Variants in TRPM8 observed in about 807,000 individuals in gnomAD.
The protein encoded by TRPM8 is transient receptor potential cation channel subfamily M member 8.
TRPM8 carries 110 observed loss-of-function variants against 133.7 expected under a neutral mutation model. The observed-to-expected ratio is 0.82, with a 90% CI of 0.70 to 0.96. TRPM8 has a LOEUF of 0.96. TRPM8 is among the 40% of genes least tolerant of loss of function. TRPM8 has a pLI of 0.00. For synonymous variants in TRPM8, 535 were observed against 532.3 expected (o/e 1.01, Z -0.07); for missense variants, 1,291 against 1,379.5 (o/e 0.94, Z 1.02).
At chr2:234,000,612 T>C (rs769969815) in intron 22 of TRPM8, among the ~76,000 whole-genome samples, 1 of 151,860 alleles carries the variant, frequency 6.6e-6, no homozygotes, top group Non-Finnish European at 1.5e-5. Context: ...GAGGAAAGCA[T>C]AGAAATTTAA....
chr2:233,983,069 T>C lies in TRPM8; in HGVS notation c.2606T>C (p.Phe869Ser). Reference protein sequence around the residue: ...MLQRMLIDVFFFLFLFAVWMV... With the variant: ...MLQRMLIDVFSFLFLFAVWMV... ...CCCTGACAGCTGATCGATGTGTTCT[T>C]CTTCCTGTTCCTCTTTGCGGTGTGG... Residue 869 changes from phenylalanine (F) to serine (S), a missense_variant, in exon 20 of 26, where the codon TTC becomes TCC. This residue lies in a region of TRPM8 where 328 missense variants were observed against 410.6 expected (regional missense o/e 0.80). Transcript: ENST00000324695. 1 of 1,613,672 alleles carries C rather than the reference T, an allele frequency of 6.2e-7. No individual in the cohort carries two copies. The highest frequency in any genetic ancestry group is 8.5e-7 in the Non-Finnish European group (1 of 1,179,562).
chr2:233,996,651 C>A, intron 22 of TRPM8, 135 bp downstream of exon 22: 1 of 800,182 alleles, frequency 1.2e-6, no homozygotes, highest in Non-Finnish European at 2.0e-6. Flanking sequence ...CTGTAAAGAT[C>A]AGGCCTCAGG....
intron 4 of TRPM8, among the ~76,000 whole-genome samples, chr2:233,937,906 C>G (rs968611015): frequency 6.6e-6 from 1 of 152,200 alleles, no homozygotes; most frequent in African/African-American, 2.4e-5. Context: ...AGCTCTCCAG[C>G]AAGGTTTCAC....
intron 2 of TRPM8, among the ~76,000 whole-genome samples, chr2:233,927,860 C>CCTT (rs1235892141): frequency 4.2e-5 from 1 of 24,092 alleles, no homozygotes; most frequent in Admixed American, 5.4e-4. Context: ...TCCTTTCTTT[C>CCTT]TCTTTCTTTC....
intron 5 of TRPM8, among the ~76,000 whole-genome samples, chr2:233,942,295 G>T (rs1690928517): frequency 6.6e-6 from 1 of 152,040 alleles, no homozygotes; most frequent in Non-Finnish European, 1.5e-5. Flanking sequence ...GGCCAGGCTG[G>T]TCATGAACTC....
chr2:233,970,119 G>A, intron 16 of TRPM8, 91 bp from the exon 17 acceptor site: 3 of 1,175,276 alleles, frequency 2.6e-6, no homozygotes, highest in Non-Finnish European at 3.8e-6. Flanking sequence ...CTGGCTATGG[G>A]TCTGTATTTA....
intron 1 of TRPM8, among the ~76,000 whole-genome samples, chr2:233,921,772 G>C (rs1691417356): frequency 7.0e-6 from 1 of 143,740 alleles, no homozygotes; most frequent in Admixed American, 7.4e-5. Context: ...CCAGGTTCAA[G>C]GGATTCTGGT....
chr2:233,927,851 CCTTTCTTTCTCTTTCTTTCTT>C lies in TRPM8; in HGVS notation c.117+1198_117+1218del, dbSNP rs1691581323. Among the ~76,000 whole-genome samples, 4 of 37,586 alleles carry C rather than the reference CCTTTCTTTCTCTTTCTTTCTT, an allele frequency of 1.1e-4. 1 individual carries two copies. The highest frequency in any genetic ancestry group is 1.8e-4 in the Non-Finnish European group (4 of 22,772). The allele number at this position is 37,586 out of a possible 152,430, so 24.7% of individuals were successfully genotyped here. ...TCCTTCCTTCCTTCCTTCCTTCCTTCCTTTCTTTCTCTTTCTTTCTTTCTTTCTTTCTTTCTTTCTTTCTTT... is the reference window on the plus strand; with the variant it reads ...TCCTTCCTTCCTTCCTTCCTTCCTTCTCTTTCTTTCTTTCTTTCTTTCTTT... On this transcript the variant is annotated intron_variant, in intron 2 of 25. Transcript: ENST00000324695.
chr2:233,980,061 A>G (rs1691967560), intron 17 of TRPM8, 127 bp from the exon 18 acceptor site: 2 of 708,870 alleles, frequency 2.8e-6, no homozygotes. Flanking sequence ...TTGGCATATG[A>G]AAGAATAAAC....
chr2:233,925,859 C>T lies in TRPM8; in HGVS notation c.-5-674C>T, dbSNP rs112879669. On this transcript the variant is annotated intron_variant, in intron 1 of 25. Coordinates refer to ENST00000324695, the MANE Select transcript of TRPM8 (RefSeq NM_024080.5). ...TGGGAGACGAGGGGAGAGGGGCCTC[C>T]TGAAGTATGGGATGGGGGCATATTA... Among the ~76,000 whole-genome samples the T allele has an allele frequency of 2.4e-3, 369 of 151,832 alleles. 3 individuals are homozygous for T. Among genetic ancestry groups the T allele is most frequent in the African/African-American group, 8.0e-3 (332 of 41,376 alleles).
At chr2:233,961,990 TA>T (rs1559530535) in intron 12 of TRPM8, among the ~76,000 whole-genome samples, 5 of 152,302 alleles carry the variant, frequency 3.3e-5, no homozygotes, top group Admixed American at 2.6e-4. Context: ...TAACAGGGAA[TA>T]GGGGCAAACA....
intron 22 of TRPM8, among the ~76,000 whole-genome samples, chr2:234,001,395 G>C (rs954179088): frequency 6.6e-6 from 1 of 152,150 alleles, no homozygotes; most frequent in East Asian, 1.9e-4. Context: ...TATTCCGGAC[G>C]GCCCCCAGAA....
chr2:233,971,441 A>T (rs998633204), intron 17 of TRPM8, among the ~76,000 whole-genome samples: 1 of 152,170 alleles, frequency 6.6e-6, no homozygotes, highest in Non-Finnish European at 1.5e-5. Flanking sequence ...TGCCATGGGT[A>T]TGACCTGGGG....
At position 233,983,184 on chromosome 2, in the gene TRPM8, C is replaced by T. The variant is rs762150729; in HGVS notation, c.2721C>T (p.Pro907=). 1.9e-6 allele frequency: 3 copies of T among 1,614,214 alleles called. No individual in the cohort carries two copies. Among genetic ancestry groups the T allele is most frequent in the Non-Finnish European group, 2.5e-6 (3 of 1,180,036 alleles). The change falls in exon 20 of 26, where the codon CCC becomes CCT. Residue 907 remains proline (P), a synonymous_variant. Transcript: ENST00000324695. The part of the protein sequence containing the change: ...RWIFRSVIYE[P]YLAMFGQVPS... The stretch of plus-strand genomic sequence containing the variant: ...TATTCCGTTCGGTCATCTACGAGCC[C>T]TACCTGGCCATGTTCGGCCAGGTGC...
chr2:233,974,736 A>G (rs6719311), intron 17 of TRPM8, among the ~76,000 whole-genome samples: 144,479 of 152,192 alleles, frequency 0.95, 68,670 homozygotes, highest in African/African-American at 0.97. Flanking sequence ...GAGGCACGGC[A>G]TCTGTAGGAA....
rs868739453 is a variant in TRPM8 at position 233,923,583 on chromosome 2, C to T, written c.-5-2950C>T. ...ATGGGCCGGCATCCACTGCACATCTCGAGCACATCCTCTGGTTTGACATGG... is the reference window on the plus strand; with the variant it reads ...ATGGGCCGGCATCCACTGCACATCTTGAGCACATCCTCTGGTTTGACATGG... On this transcript the variant is annotated intron_variant, in intron 1 of 25. Coordinates refer to ENST00000324695, the MANE Select transcript of TRPM8 (RefSeq NM_024080.5). Among the ~76,000 whole-genome samples, 31 of 152,194 alleles carry T rather than the reference C, an allele frequency of 2.0e-4. 1 individual carries two copies. The highest frequency in any genetic ancestry group is 1.8e-3 in the Admixed American group (28 of 15,282).
At chr2:233,990,843 G>A (rs1012139394) in intron 21 of TRPM8, among the ~76,000 whole-genome samples, 8 of 152,156 alleles carry the variant, frequency 5.3e-5, no homozygotes, top group Non-Finnish European at 1.0e-4. Context: ...CATTTTACAC[G>A]TAAGGAGTGG....
At chr2:233,952,242 T>C (rs1360063432) in intron 9 of TRPM8, among the ~76,000 whole-genome samples, 2 of 152,212 alleles carry the variant, frequency 1.3e-5, no homozygotes, top group East Asian at 3.9e-4. Flanking sequence ...CTGTGTCCTC[T>C]TAGACAAAAC....
intron 11 of TRPM8, among the ~76,000 whole-genome samples, chr2:233,956,287 G>A (rs1691292126): frequency 6.6e-6 from 1 of 152,158 alleles, no homozygotes; most frequent in Non-Finnish European, 1.5e-5. Context: ...CTAGCCACAT[G>A]AGTACCTTCA....
Sources: gnomAD v4.1 joint callset for allele counts (sites outside exome capture counted in the v4.1 genomes callset) on GRCh38, gnomAD v4.1.1 for gene constraint, gnomAD v4.1.1 regional missense constraint, MANE v1.5 for transcripts, NCBI Gene and HGNC (gene_info 2026-07-23, HGNC 2026-07-21) for gene names.